The following MGAT4C variants were observed in gnomAD, a reference collection of about 807,000 sequenced individuals.
MGAT4C encodes the protein MGAT4 family member C.
A neutral mutation model predicts 40.1 loss-of-function variants in MGAT4C; 19 were observed. The ratio of observed to expected loss-of-function variants is 0.47; its 90% CI spans 0.33 to 0.70. The LOEUF is 0.70. Ranked by LOEUF, MGAT4C falls within the 30% of genes least tolerant of loss-of-function variation. MGAT4C has a pLI of 0.02. For synonymous variants in MGAT4C, 181 were observed against 187.1 expected (o/e 0.97, Z 0.27); for missense variants, 491 against 563.2 (o/e 0.87, Z 1.30).
intron 3 of MGAT4C, among the ~76,000 whole-genome samples, chr12:86,360,132 C>A (rs945013225): frequency 2.6e-5 from 4 of 152,140 alleles, no homozygotes; most frequent in Non-Finnish European, 4.4e-5. Flanking sequence ...AAAAGCTTAT[C>A]CACCATGATC....
chr12:86,414,302 A>G (rs1195730021), intron 3 of MGAT4C, among the ~76,000 whole-genome samples: 1 of 152,188 alleles, frequency 6.6e-6, no homozygotes, highest in African/African-American at 2.4e-5. Context: ...TTCTCAAACC[A>G]GAAAGTCATC....
At chr12:86,269,852 C>A (rs1952897731) in intron 4 of MGAT4C, among the ~76,000 whole-genome samples, 1 of 151,968 alleles carries the variant, frequency 6.6e-6, no homozygotes, top group Non-Finnish European at 1.5e-5. Flanking sequence ...GAAAATGTTA[C>A]TTGATTCTTC....
intron 1 of MGAT4C, among the ~76,000 whole-genome samples, chr12:86,140,211 G>T (rs531338060): frequency 6.6e-6 from 1 of 152,162 alleles, no homozygotes; most frequent in South Asian, 2.1e-4. Context: ...TTACAGCAAG[G>T]AAGCTTTTCT....
chr12:86,126,117 A>G (rs985188952), intron 1 of MGAT4C, among the ~76,000 whole-genome samples: 2 of 152,058 alleles, frequency 1.3e-5, no homozygotes, highest in African/African-American at 4.8e-5. Flanking sequence ...TATGTCATTT[A>G]TTAAAGACAA....
At chr12:86,325,751 C>T (rs1052247922) in intron 4 of MGAT4C, among the ~76,000 whole-genome samples, 1 of 152,044 alleles carries the variant, frequency 6.6e-6, no homozygotes, top group Non-Finnish European at 1.5e-5. Context: ...GCTGGTGCAG[C>T]CTGTATTCTC....
rs1882907211 is a variant in MGAT4C at position 85,958,054 on chromosome 12, T to G, written c.*21235A>C. ...AAGTGTTTTTGTGTGTGTGTGTGTG[T>G]GTGTGTGTGTGTGTTTGTTTGCTTG... On this transcript the variant is annotated 3_prime_UTR_variant, in exon 5 of 5. Transcript: ENST00000611864. The G allele has an allele frequency of 6.6e-6, 1 of 151,140 alleles. No individual in the cohort carries two copies. Among genetic ancestry groups the G allele is most frequent in the Non-Finnish European group, 1.5e-5 (1 of 67,830 alleles). The allele number at this position is 151,140 out of a possible 1,614,324, so 9.4% of individuals were successfully genotyped here.
chr12:86,454,369 A>C (rs1026428297), intron 2 of MGAT4C, among the ~76,000 whole-genome samples: 4 of 152,086 alleles, frequency 2.6e-5, no homozygotes, highest in African/African-American at 7.2e-5. Flanking sequence ...CTGGAACTAC[A>C]GGTGCAAACT....
intron 1 of MGAT4C, among the ~76,000 whole-genome samples, chr12:86,105,704 C>A (rs1019415832): frequency 3.3e-5 from 5 of 152,098 alleles, no homozygotes; most frequent in Non-Finnish European, 7.4e-5. Context: ...AATTACTATT[C>A]CTTTACGATT....
At chr12:86,823,903 G>A (rs940264651) in intron 1 of MGAT4C, among the ~76,000 whole-genome samples, 1 of 151,338 alleles carries the variant, frequency 6.6e-6, no homozygotes, top group Non-Finnish European at 1.5e-5. Context: ...AAAACTAATA[G>A]GTTTAAAAAG....
At chr12:86,634,737 C>T (rs1173247951) in intron 2 of MGAT4C, among the ~76,000 whole-genome samples, 1 of 152,102 alleles carries the variant, frequency 6.6e-6, no homozygotes, top group Non-Finnish European at 1.5e-5. Flanking sequence ...GACAACTTGC[C>T]TCTTCAGGAC....
chr12:86,589,373 T>C (rs1961219626), intron 2 of MGAT4C, among the ~76,000 whole-genome samples: 1 of 152,130 alleles, frequency 6.6e-6, no homozygotes, highest in Admixed American at 6.6e-5. Flanking sequence ...AATCTCTGAA[T>C]TGACCAATAA....
At position 85,972,296 on chromosome 12, in the gene MGAT4C, T is replaced by A. The variant is rs934230732; in HGVS notation, c.*6993A>T. 6.6e-6 allele frequency: 1 copy of A among 151,126 alleles called. No individual in the cohort carries two copies. The highest frequency in any genetic ancestry group is 1.5e-5 in the Non-Finnish European group (1 of 67,300). The allele number at this position is 151,126 out of a possible 1,614,324, so 9.4% of individuals were successfully genotyped here. A position where few individuals can be genotyped will look rare whatever the true frequency, so the allele number is the denominator to read the frequency against. ...ACTGCATTAATAGGATTTTAATTTT[T>A]ATTCAAAATGGACAACTTATTTATT... is the stretch of plus-strand genomic sequence containing the variant. On this transcript the variant is annotated 3_prime_UTR_variant, in exon 5 of 5. Coordinates refer to ENST00000611864, the MANE Select transcript of MGAT4C (RefSeq NM_001351288.2).
At chr12:86,766,121 C>A (rs9705671) in intron 1 of MGAT4C, among the ~76,000 whole-genome samples, 5,230 of 152,064 alleles carry the variant, frequency 0.034, 140 homozygotes, top group Non-Finnish European at 0.048. Flanking sequence ...TTCAGGAAAC[C>A]CATCTCACGT....
At chr12:86,224,307 A>G (rs1053644497) in intron 1 of MGAT4C, among the ~76,000 whole-genome samples, 1 of 152,230 alleles carries the variant, frequency 6.6e-6, no homozygotes, top group Non-Finnish European at 1.5e-5. Context: ...TTATAAAGCA[A>G]ATATTACTAG....
chr12:86,336,409 T>C (rs1954794605), intron 3 of MGAT4C, among the ~76,000 whole-genome samples: 1 of 152,188 alleles, frequency 6.6e-6, no homozygotes, highest in Admixed American at 6.6e-5. Flanking sequence ...AATTTTTCTT[T>C]CACATTCTCA....
At chr12:86,316,963 A>G (rs565064186) in intron 4 of MGAT4C, among the ~76,000 whole-genome samples, 1 of 152,286 alleles carries the variant, frequency 6.6e-6, no homozygotes, top group East Asian at 1.9e-4. Flanking sequence ...AAATTAGTGC[A>G]ATGTTTAAAG....
chr12:86,323,305 C>A (rs1041412057), intron 4 of MGAT4C, among the ~76,000 whole-genome samples: 2 of 151,550 alleles, frequency 1.3e-5, no homozygotes, highest in Non-Finnish European at 3.0e-5. Context: ...TCTAAAGTTA[C>A]ATGAATTCAG....
At chr12:86,440,643 G>T (rs56135478) in intron 2 of MGAT4C, among the ~76,000 whole-genome samples, 3 of 152,028 alleles carry the variant, frequency 2.0e-5, no homozygotes, top group East Asian at 3.9e-4. Context: ...TCAGGGAAAA[G>T]AAATAAATAA....
At chr12:86,214,648 C>T (rs774834877) in intron 1 of MGAT4C, among the ~76,000 whole-genome samples, 6 of 152,132 alleles carry the variant, frequency 3.9e-5, no homozygotes, top group African/African-American at 9.7e-5. Context: ...TTCTATTCTG[C>T]CTCTTCCTAT....
Sources: allele counts gnomAD v4.1 joint callset (sites outside exome capture counted in the v4.1 genomes callset), GRCh38; gene constraint gnomAD v4.1.1; transcripts MANE v1.5; gene names NCBI Gene and HGNC (gene_info 2026-07-23, HGNC 2026-07-21).